The following FHOD3 variants were observed in gnomAD, a reference collection of about 807,000 sequenced individuals.
The protein encoded by FHOD3 is formin homology 2 domain containing 3.
A neutral mutation model predicts 173.0 loss-of-function variants in FHOD3; 90 were observed. The ratio of observed to expected loss-of-function variants is 0.52; its 90% CI spans 0.44 to 0.62. The LOEUF (loss-of-function observed/expected upper bound fraction) is 0.62, where lower values mean the gene tolerates loss of function less well. FHOD3 is among the 20% of genes least tolerant of loss of function. The pLI is 0.00. For missense variants in FHOD3, 1,945 were observed against 2,034.7 expected, an observed-to-expected ratio of 0.96 and a Z score of 0.85; for synonymous variants, 828 against 823.0, an observed-to-expected ratio of 1.01 and a Z score of -0.10.
intron 14 of FHOD3, among the ~76,000 whole-genome samples, chr18:36,673,611 G>A (rs1293716054): frequency 6.6e-6 from 1 of 152,154 alleles, no homozygotes; most frequent in Non-Finnish European, 1.5e-5. Context: ...GAAATGGCTG[G>A]AGACTATGGG....
At chr18:36,401,029 C>T (rs1324949105) in intron 3 of FHOD3, among the ~76,000 whole-genome samples, 1 of 152,102 alleles carries the variant, frequency 6.6e-6, no homozygotes, top group African/African-American at 2.4e-5. Context: ...ATCACTCTTG[C>T]ATTCCAGGGA....
At chr18:36,374,414 A>G (rs537075807) in intron 3 of FHOD3, among the ~76,000 whole-genome samples, 1 of 152,330 alleles carries the variant, frequency 6.6e-6, no homozygotes, top group African/African-American at 2.4e-5. Flanking sequence ...TGCCAATTGC[A>G]CTGGTTATCA....
chr18:36,482,970 C>T (rs1413819938), intron 3 of FHOD3, among the ~76,000 whole-genome samples: 1 of 151,874 alleles, frequency 6.6e-6, no homozygotes, highest in African/African-American at 2.4e-5. Context: ...AGCCAAGGGC[C>T]ATGATGAAAT....
intron 5 of FHOD3, among the ~76,000 whole-genome samples, chr18:36,529,938 GCT>G (rs1568388944): frequency 6.6e-6 from 1 of 152,014 alleles, no homozygotes; most frequent in African/African-American, 2.4e-5. Flanking sequence ...GTAGCGACAG[GCT>G]CTGTGAGGGT....
intron 5 of FHOD3, among the ~76,000 whole-genome samples, chr18:36,546,879 C>T (rs548612858): frequency 6.6e-6 from 1 of 152,310 alleles, no homozygotes; most frequent in South Asian, 2.1e-4. Context: ...TCCCTCAAAT[C>T]ATCCATTCTT....
At chr18:36,592,585 G>T (rs956840129) in intron 6 of FHOD3, among the ~76,000 whole-genome samples, 2 of 152,226 alleles carry the variant, frequency 1.3e-5, no homozygotes, top group Admixed American at 1.3e-4. Context: ...CTTGAGAGAA[G>T]GAGGGTGCAG....
intron 28 of FHOD3, among the ~76,000 whole-genome samples, chr18:36,776,095 T>C (rs966544718): frequency 3.3e-5 from 5 of 152,100 alleles, no homozygotes; most frequent in African/African-American, 1.2e-4. Flanking sequence ...GGCAGAGTTG[T>C]TTCTGCTGTG....
At chr18:36,594,310 T>C (rs2029923793) in intron 6 of FHOD3, among the ~76,000 whole-genome samples, 1 of 152,052 alleles carries the variant, frequency 6.6e-6, no homozygotes, top group Non-Finnish European at 1.5e-5. Context: ...AATGGGGTAC[T>C]TGGTTCCGGT....
intron 3 of FHOD3, among the ~76,000 whole-genome samples, chr18:36,386,674 C>T (rs1241957956): frequency 6.6e-5 from 10 of 152,162 alleles, no homozygotes; most frequent in Admixed American, 6.5e-4. Context: ...TGGAGGGCAG[C>T]ACTGCTGTGG....
chr18:36,596,092 G>A (rs763945520), intron 7 of FHOD3, among the ~76,000 whole-genome samples: 1 of 152,082 alleles, frequency 6.6e-6, no homozygotes, highest in Non-Finnish European at 1.5e-5. Flanking sequence ...GGGAAGAAAC[G>A]AGGGGCCTAA....
At chr18:36,665,576 C>T (rs927357367) in intron 14 of FHOD3, among the ~76,000 whole-genome samples, 5 of 148,468 alleles carry the variant, frequency 3.4e-5, no homozygotes, top group Non-Finnish European at 7.4e-5. Flanking sequence ...CTGAGATTGG[C>T]CTGGTGGGGG....
intron 12 of FHOD3, 117 bp downstream of exon 12, chr18:36,653,046 C>T: frequency 2.2e-6 from 3 of 1,355,468 alleles, no homozygotes; most frequent in Admixed American, 5.5e-5. Flanking sequence ...TCAGCCCAAG[C>T]AGGGAGCAGT....
intron 1 of FHOD3, among the ~76,000 whole-genome samples, chr18:36,345,172 C>T (rs1464492667): frequency 6.6e-6 from 1 of 151,544 alleles, no homozygotes; most frequent in East Asian, 1.9e-4. Context: ...ACACAAGTCT[C>T]AAGAAATTTC....
In FHOD3 at chr18:36,649,379, T is replaced by C; in HGVS notation, c.1260T>C (p.Asp420=). The change falls in exon 11 of 29, where the codon GAT becomes GAC. Residue 420 remains aspartate, a synonymous_variant. Transcript: ENST00000590592. Reference sequence around the variant, plus strand: ...CCAGTTCCGAAGAAGAGAGAGAGGATGATGCTTCCTGTCAGGGCAAGGACA... The same window carrying C: ...CCAGTTCCGAAGAAGAGAGAGAGGACGATGCTTCCTGTCAGGGCAAGGACA... ...TEPSSEEERE[D]DASCQGKDSK... 1 of 1,535,650 alleles carries C rather than the reference T, an allele frequency of 6.5e-7. No homozygotes were observed. The highest frequency in any genetic ancestry group is 8.7e-7 in the Non-Finnish European group (1 of 1,146,642).
chr18:36,393,599 C>G (rs1222425907), intron 3 of FHOD3, among the ~76,000 whole-genome samples: 4 of 152,162 alleles, frequency 2.6e-5, no homozygotes, highest in African/African-American at 9.7e-5. Flanking sequence ...GTAATCCCCA[C>G]CAATTCAGGG....
chr18:36,385,078 T>C (rs1340792831), intron 3 of FHOD3, among the ~76,000 whole-genome samples: 1 of 152,238 alleles, frequency 6.6e-6, no homozygotes. Flanking sequence ...CCTCCAATTC[T>C]TGAAGGAGCC....
intron 1 of FHOD3, among the ~76,000 whole-genome samples, chr18:36,314,078 A>G (rs2144753775): frequency 6.6e-6 from 1 of 152,266 alleles, no homozygotes; most frequent in Non-Finnish European, 1.5e-5. Context: ...CGAGTTTCTG[A>G]ACTTCAGAAT....
At chr18:36,583,303 G>A (rs1271255134) in intron 6 of FHOD3, among the ~76,000 whole-genome samples, 5 of 152,156 alleles carry the variant, frequency 3.3e-5, no homozygotes, top group Admixed American at 6.5e-5. Flanking sequence ...GGTCACACAC[G>A]CCTGCACCAT....
chr18:36,760,915 T>G, intron 27 of FHOD3, 133 bp downstream of exon 27: 2 of 850,298 alleles, frequency 2.4e-6, no homozygotes, highest in Non-Finnish European at 3.5e-6. Context: ...ACCACACACA[T>G]TCCCTCACTA....
Sources: gnomAD v4.1 joint callset for allele counts (sites outside exome capture counted in the v4.1 genomes callset) on GRCh38, gnomAD v4.1.1 for gene constraint, MANE v1.5 for transcripts, NCBI Gene and HGNC (gene_info 2026-07-23, HGNC 2026-07-21) for gene names.